The following MAST4 variants were observed in gnomAD, a reference collection of about 807,000 sequenced individuals.
MAST4 encodes the protein microtubule-associated serine/threonine-protein kinase 4.
Under a neutral mutation model 162.7 loss-of-function variants are expected in MAST4, and 89 were observed. The ratio of observed to expected loss-of-function variants is 0.55; its 90% confidence interval spans 0.46 to 0.65. The LOEUF is 0.65. MAST4 is among the 30% of genes least tolerant of loss of function. The probability of loss-of-function intolerance (pLI) is 0.00; values close to 1 mark genes in which losing one functional copy is unlikely to be tolerated. For synonymous variants in MAST4, 1,479 were observed against 1,361.1 expected (o/e 1.09, Z -1.91); for missense variants, 3,153 against 3,374.0 (o/e 0.93, Z 1.62).
intron 1 of MAST4, among the ~76,000 whole-genome samples, chr5:66,727,741 A>G (rs1271567050): frequency 6.6e-6 from 1 of 152,062 alleles, no homozygotes; most frequent in African/African-American, 2.4e-5. Context: ...TGCTGCCAGA[A>G]TGCCTGTTCT....
At chr5:67,140,210 G>A (rs757480483) in intron 19 of MAST4, among the ~76,000 whole-genome samples, 2 of 152,112 alleles carry the variant, frequency 1.3e-5, no homozygotes, top group Non-Finnish European at 2.9e-5. Flanking sequence ...AGAGATGTGT[G>A]TTGTGGGCCA....
intron 3 of MAST4, among the ~76,000 whole-genome samples, chr5:66,793,667 C>G (rs554226261): frequency 1.2e-4 from 19 of 152,206 alleles, no homozygotes; most frequent in African/African-American, 4.6e-4. Flanking sequence ...GGCAGAAGCA[C>G]CATGAACATT....
At chr5:66,688,354 C>T (rs1378450359) in intron 1 of MAST4, among the ~76,000 whole-genome samples, 1 of 152,180 alleles carries the variant, frequency 6.6e-6, no homozygotes, top group Non-Finnish European at 1.5e-5. Flanking sequence ...TCCTGAAGTG[C>T]TGTCTGCATC....
chr5:66,759,709 C>T lies in MAST4; in HGVS notation c.364C>T (p.Leu122Phe). Reference protein sequence around the residue: ...SASQEEQDEELDHILSPPPMP... With the variant: ...SASQEEQDEEFDHILSPPPMP... ...GATGCCATTCTTCCTCTTTCTGCAG[C>T]TTGACCACATATTATCCCCTCCACC... is the stretch of plus-strand genomic sequence containing the variant. Residue 122 changes from leucine (L) to phenylalanine (F), a missense_variant and splice_region_variant, in exon 2 of 29, where the codon CTT (leucine) becomes TTT (phenylalanine). By Grantham distance (22) the Leu-to-Phe change is conservative (BLOSUM62 0). Around this residue, in one of 7 missense-constraint regions of MAST4, gnomAD observed 327 missense variants for 336.5 expected, o/e 0.97. Transcript: ENST00000403625. 6.2e-7 allele frequency: 1 copy of T among 1,613,726 alleles called. No individual in the cohort carries two copies. Among genetic ancestry groups the T allele is most frequent in the Non-Finnish European group, 8.5e-7 (1 of 1,179,734 alleles).
chr5:66,888,004 C>G (rs551347544), intron 3 of MAST4, among the ~76,000 whole-genome samples: 2 of 151,192 alleles, frequency 1.3e-5, no homozygotes, highest in African/African-American at 4.9e-5. Flanking sequence ...GTCAGGAGAT[C>G]GAGACCATCC....
chr5:66,943,500 C>T (rs1743606068), intron 4 of MAST4, among the ~76,000 whole-genome samples: 2 of 152,064 alleles, frequency 1.3e-5, no homozygotes, highest in East Asian at 3.9e-4. Flanking sequence ...TAGATCTTTT[C>T]GTTATCCCAT....
chr5:67,049,061 GTATA>G (rs139716277), intron 4 of MAST4, among the ~76,000 whole-genome samples: 1 of 75,906 alleles, frequency 1.3e-5, no homozygotes, highest in Non-Finnish European at 2.8e-5. Context: ...ATATATATAC[GTATA>G]TATATATATA....
intron 3 of MAST4, among the ~76,000 whole-genome samples, chr5:66,817,243 A>G (rs948559543): frequency 5.9e-5 from 9 of 152,256 alleles, no homozygotes; most frequent in African/African-American, 2.2e-4. Context: ...AGGGGATAAA[A>G]CAAAATAGTA....
At chr5:67,142,573 G>T (rs746352704) in intron 21 of MAST4, 40 bp downstream of exon 21, 12 of 1,347,128 alleles carry the variant, frequency 8.9e-6, no homozygotes, top group Middle Eastern at 1.8e-4. Flanking sequence ...GTCTCTCTGG[G>T]AGGATCTCCC....
At chr5:66,726,226 C>T (rs1751508940) in intron 1 of MAST4, among the ~76,000 whole-genome samples, 1 of 151,964 alleles carries the variant, frequency 6.6e-6, no homozygotes, top group Admixed American at 6.6e-5. Flanking sequence ...TAGATAAAAT[C>T]CTTCTTGCCT....
chr5:66,857,573 A>G (rs552132591), intron 3 of MAST4, among the ~76,000 whole-genome samples: 1 of 152,262 alleles, frequency 6.6e-6, no homozygotes, highest in African/African-American at 2.4e-5. Flanking sequence ...GATTTGCACT[A>G]TTCTGATGGG....
At chr5:66,787,489 A>G (rs2149672860) in intron 2 of MAST4, among the ~76,000 whole-genome samples, 1 of 152,376 alleles carries the variant, frequency 6.6e-6, no homozygotes, top group Non-Finnish European at 1.5e-5. Context: ...AGATGCCCCT[A>G]GCTCCTGTGC....
At chr5:66,860,770 CAA>C (rs34973337) in intron 3 of MAST4, among the ~76,000 whole-genome samples, 1,515 of 129,096 alleles carry the variant, frequency 0.012, 16 homozygotes, top group South Asian at 0.023. Context: ...AAAACAAAAC[CAA>C]AAAAAAAAAA....
At chr5:66,865,818 T>C (rs1760471743) in intron 3 of MAST4, among the ~76,000 whole-genome samples, 5 of 152,144 alleles carry the variant, frequency 3.3e-5, no homozygotes, top group Admixed American at 6.5e-5. Flanking sequence ...CTCACGCCTG[T>C]AATCCCAGCA....
At position 67,152,627 on chromosome 5, in the gene MAST4, T is replaced by C. The variant is rs749892564; in HGVS notation, c.3296-10T>C. The C allele has an allele frequency of 1.1e-5, 18 of 1,612,066 alleles. No homozygotes were observed. In the Admixed American group the frequency reaches 3.0e-4, roughly 27 times the overall value. ...CACATGGGCTTTGATGACTGGCTTC[T>C]TTGTTACAGATATGTTTGCTGTTTC... On this transcript the variant is annotated splice_polypyrimidine_tract_variant and intron_variant, in intron 24 of 28. Coordinates refer to ENST00000403625, the MANE Select transcript of MAST4 (RefSeq NM_001164664.2).
intron 1 of MAST4, among the ~76,000 whole-genome samples, chr5:66,720,555 C>G (rs898424643): frequency 7.2e-5 from 11 of 152,068 alleles, no homozygotes; most frequent in African/African-American, 2.7e-4. Context: ...GTCTCTTTGG[C>G]TCTATCCATC....
intron 1 of MAST4, among the ~76,000 whole-genome samples, chr5:66,635,748 G>A: frequency 6.6e-6 from 1 of 151,550 alleles, no homozygotes; most frequent in Non-Finnish European, 1.5e-5. Flanking sequence ...CATGATCTTG[G>A]CTCACTGCAA....
At chr5:66,680,002 C>G (rs1454620377) in intron 1 of MAST4, among the ~76,000 whole-genome samples, 1 of 152,174 alleles carries the variant, frequency 6.6e-6, no homozygotes, top group East Asian at 1.9e-4. Flanking sequence ...TAAATTGGCT[C>G]CTTCCATCCC....
chr5:66,685,123 G>A (rs897484425), intron 1 of MAST4, among the ~76,000 whole-genome samples: 2 of 151,946 alleles, frequency 1.3e-5, no homozygotes, highest in Admixed American at 1.3e-4. Flanking sequence ...TTAGCTAGGC[G>A]CGGTGGTGCA....
Sources: gnomAD v4.1 joint callset for allele counts (sites outside exome capture counted in the v4.1 genomes callset) on GRCh38, gnomAD v4.1.1 for gene constraint, gnomAD v4.1.1 regional missense constraint, MANE v1.5 for transcripts, NCBI Gene and HGNC (gene_info 2026-07-23, HGNC 2026-07-21) for gene names.